Variants in STRN observed in about 807,000 individuals in gnomAD.
STRN encodes the protein striatin, also known as protein phosphatase 2 regulatory subunit B'''alpha.
A neutral mutation model predicts 96.3 loss-of-function variants in STRN; 53 were observed. The ratio of observed to expected loss-of-function variants is 0.55; its 90% confidence interval spans 0.44 to 0.69. STRN has a LOEUF of 0.69. Among genes scored for constraint, STRN ranks in the 30% least tolerant of loss-of-function variants. STRN has a pLI of 0.00. For synonymous variants in STRN, 428 were observed against 355.9 expected, an observed-to-expected ratio of 1.20 and a Z score of -2.28; for missense variants, 987 against 963.9, an observed-to-expected ratio of 1.02 and a Z score of -0.32.
At chr2:36,901,149 G>C (rs949928984) in intron 5 of STRN, among the ~76,000 whole-genome samples, 3 of 152,124 alleles carry the variant, frequency 2.0e-5, no homozygotes, top group African/African-American at 7.2e-5. Context: ...ATTAGCAACA[G>C]TATCTTTGTC....
Position 36,935,463 on chromosome 2 carries a change from AT to A in STRN, c.235-10256del, listed in dbSNP as rs369176165. On this transcript the variant is annotated intron_variant, in intron 1 of 17. Transcript: ENST00000263918. ...CCAAACACCTTCTATAATTAATCTC[AT>A]TTAATTAGGACTATGACATAATTAT... is the stretch of plus-strand genomic sequence containing the variant. Among the ~76,000 whole-genome samples, 603 of 152,332 alleles carry A rather than the reference AT, an allele frequency of 4.0e-3. 5 individuals are homozygous for A. Among genetic ancestry groups the A allele is most frequent in the African/African-American group, 0.014 (586 of 41,576 alleles).
Position 36,839,318 on chromosome 2 carries a change from G to GA in STRN, c.*10137dup, listed in dbSNP as rs1667892745. Among the ~76,000 whole-genome samples the GA allele has an allele frequency of 6.6e-6, 1 of 152,072 alleles. No individual in the cohort carries two copies. The highest frequency in any genetic ancestry group is 1.5e-5 in the Non-Finnish European group (1 of 68,026). ...CCACCTGGAATGTGCTGCATCAGGTGAAGTTTTTGTTTACTGCTGACTGCC... is the reference window on the plus strand; with the variant it reads ...CCACCTGGAATGTGCTGCATCAGGTGAAAGTTTTTGTTTACTGCTGACTGCC... On this transcript the variant is annotated 3_prime_UTR_variant, in exon 18 of 18. Coordinates refer to ENST00000263918, the MANE Select transcript of STRN (RefSeq NM_003162.4).
At chr2:36,867,920 A>G (rs891614307) in intron 11 of STRN, 59 bp from the exon 12 acceptor site, 59 of 1,324,314 alleles carry the variant, frequency 4.5e-5, no homozygotes, top group Non-Finnish European at 5.6e-5. Flanking sequence ...ATAATTAAAC[A>G]TATGTCATAA....
intron 8 of STRN, 129 bp from the exon 9 acceptor site, chr2:36,884,204 T>C: frequency 1.2e-6 from 1 of 810,698 alleles, no homozygotes; most frequent in Non-Finnish European, 1.7e-6. Context: ...TTCTACTAGA[T>C]TAATAAGAAT....
At chr2:36,907,154 C>T (rs1221982367) in intron 3 of STRN, among the ~76,000 whole-genome samples, 1 of 152,194 alleles carries the variant, frequency 6.6e-6, no homozygotes, top group Non-Finnish European at 1.5e-5. Context: ...ATACTTTCCT[C>T]AGCCCTTGAT....
intron 1 of STRN, among the ~76,000 whole-genome samples, chr2:36,931,853 G>C (rs1670581700): frequency 6.6e-6 from 1 of 152,190 alleles, no homozygotes; most frequent in African/African-American, 2.4e-5. Context: ...ATTTGAGACA[G>C]GGTCTCGCTC....
At position 36,912,273 on chromosome 2, in the gene STRN, T is replaced by C. The variant is rs144741153; in HGVS notation, c.412+3805A>G. Among the ~76,000 whole-genome samples, 76 of 152,210 alleles carry C rather than the reference T, an allele frequency of 5.0e-4. 2 individuals are homozygous for C. In the East Asian group the frequency reaches 0.014, roughly 28 times the overall value. On this transcript the variant is annotated intron_variant, in intron 3 of 17. Transcript: ENST00000263918. ...GTGTGCGCGCGCGCACACACACACT[T>C]TCCTTGACCCCATGTGTCCTTCCAG...
rs147544398 is a variant in STRN at position 36,892,342 on chromosome 2, A to G, written c.931+1556T>C. ...CTATGCTCAGTACATGGGTGACAGT[A>G]TCATTTACACCCTGAACTGCATCAT... On this transcript the variant is annotated intron_variant, in intron 7 of 17. Coordinates refer to ENST00000263918, the MANE Select transcript of STRN (RefSeq NM_003162.4). 7.4e-3 allele frequency among the ~76,000 whole-genome samples: 1,121 copies of G among 152,310 alleles called. 17 individuals carry two copies. Among genetic ancestry groups the G allele is most frequent in the African/African-American group, 0.026 (1,074 of 41,554 alleles).
At chr2:36,870,256 CA>C (rs1448412695) in intron 10 of STRN, among the ~76,000 whole-genome samples, 14 of 148,414 alleles carry the variant, frequency 9.4e-5, no homozygotes, top group Non-Finnish European at 2.1e-4. Context: ...TGGTAAAACA[CA>C]CATGTTCTTT....
At chr2:36,954,521 A>G (rs10194706) in intron 1 of STRN, among the ~76,000 whole-genome samples, 24,061 of 133,640 alleles carry the variant, frequency 0.18, 2,208 homozygotes, top group African/African-American at 0.29. Context: ...CAAACAGGGG[A>G]AAAAAAAAAA....
intron 1 of STRN, among the ~76,000 whole-genome samples, chr2:36,942,161 T>A (rs1345623378): frequency 6.6e-6 from 1 of 152,150 alleles, no homozygotes; most frequent in African/African-American, 2.4e-5. Flanking sequence ...ACTCCAAAAA[T>A]AACCCAAACA....
chr2:36,850,989 T>C lies in STRN; in HGVS notation c.2086+11A>G. Reference sequence around the variant, plus strand: ...TGCTTTAATAAAAATCAATTCTTAATAAATTCTTACCTGTATTGTTATCAT... The same window carrying C: ...TGCTTTAATAAAAATCAATTCTTAACAAATTCTTACCTGTATTGTTATCAT... On this transcript the variant is annotated intron_variant, in intron 16 of 17. Transcript: ENST00000263918. 1 of 1,540,604 alleles carries C rather than the reference T, an allele frequency of 6.5e-7. No homozygotes were observed. Among genetic ancestry groups the C allele is most frequent in the East Asian group, 2.3e-5 (1 of 43,484 alleles).
rs555063041 is a variant in STRN at position 36,891,547 on chromosome 2, C to T, written c.931+2351G>A. 5.3e-5 allele frequency among the ~76,000 whole-genome samples: 8 copies of T among 152,134 alleles called. 1 individual carries two copies. In the South Asian group the frequency reaches 1.2e-3, roughly 24 times the overall value. On this transcript the variant is annotated intron_variant, in intron 7 of 17. Coordinates refer to ENST00000263918, the MANE Select transcript of STRN (RefSeq NM_003162.4). ...CAAAAAAAAAAGATTCAACAAATGCCCTTATTATAATGGTTTCTGATAAGT... is the reference window on the plus strand; with the variant it reads ...CAAAAAAAAAAGATTCAACAAATGCTCTTATTATAATGGTTTCTGATAAGT...
At chr2:36,892,312 G>C (rs747914121) in intron 7 of STRN, among the ~76,000 whole-genome samples, 10 of 152,012 alleles carry the variant, frequency 6.6e-5, no homozygotes, top group Non-Finnish European at 1.5e-4. Context: ...TGATACGTAA[G>C]GGTACTATGC....
Position 36,841,532 on chromosome 2 carries a change from G to C in STRN, c.*7924C>G, listed in dbSNP as rs79462035. 1 of 152,148 alleles carries C rather than the reference G, an allele frequency of 6.6e-6. No individual in the cohort carries two copies. The highest frequency in any genetic ancestry group is 1.5e-5 in the Non-Finnish European group (1 of 68,020). 9.4% of individuals were successfully genotyped at this position (152,148 alleles called of 1,614,324 possible). ...AAATACGTGGGCTATCGAAAAAGAT[G>C]TAAGTACATTTTAAAAATGTTTTTA... On this transcript the variant is annotated 3_prime_UTR_variant, in exon 18 of 18. Transcript: ENST00000263918.
chr2:36,916,937 A>G (rs2148219827), intron 2 of STRN, among the ~76,000 whole-genome samples: 1 of 151,928 alleles, frequency 6.6e-6, no homozygotes. Context: ...TGCTTAATCT[A>G]TTTGCATATT....
chr2:36,933,335 G>T (rs1313182723), intron 1 of STRN, among the ~76,000 whole-genome samples: 1 of 152,154 alleles, frequency 6.6e-6, no homozygotes, highest in East Asian at 1.9e-4. Flanking sequence ...AGCATCCACA[G>T]TTTTTTGTAT....
chr2:36,909,277 T>C (rs574308532), intron 3 of STRN, among the ~76,000 whole-genome samples: 69 of 152,258 alleles, frequency 4.5e-4, no homozygotes, highest in African/African-American at 1.5e-3. Flanking sequence ...AGTCATTAAC[T>C]ATCACATTCA....
At chr2:36,907,464 C>G (rs1413320899) in intron 3 of STRN, among the ~76,000 whole-genome samples, 1 of 152,028 alleles carries the variant, frequency 6.6e-6, no homozygotes, top group African/African-American at 2.4e-5. Flanking sequence ...AGAAGAATCG[C>G]TTGAACCTGA....
Sources: gnomAD v4.1 joint callset for allele counts (sites outside exome capture counted in the v4.1 genomes callset) on GRCh38, gnomAD v4.1.1 for gene constraint, MANE v1.5 for transcripts, NCBI Gene and HGNC (gene_info 2026-07-23, HGNC 2026-07-21) for gene names.